The following TM6SF1 variants were observed in gnomAD, a reference collection of about 807,000 sequenced individuals.
TM6SF1 encodes the protein transmembrane 6 superfamily member 1.
Under a neutral mutation model 47.1 loss-of-function variants are expected in TM6SF1, and 43 were observed. That is an observed-to-expected ratio of 0.91 (90% CI 0.72 to 1.18). TM6SF1 has a LOEUF of 1.18. Ranked by LOEUF, TM6SF1 falls within the 50% of genes most tolerant of loss-of-function variation. The pLI is 0.00. For missense variants in TM6SF1, 390 were observed against 449.0 expected (o/e 0.87, Z 1.19); for synonymous variants, 177 against 166.3 (o/e 1.06, Z -0.49).
chr15:83,128,359 C>T (rs1299148784), intron 9 of TM6SF1: 1 of 152,116 alleles, frequency 6.6e-6, no homozygotes, highest in Non-Finnish European at 1.5e-5. Context: ...ATAAAATTAG[C>T]ATAGTAGTAT....
rs374395724 is a variant in TM6SF1, at chr15:83,122,890, A to G, written c.603+12A>G. On this transcript the variant is annotated intron_variant, in intron 6 of 9. Transcript: ENST00000322019. ...ATTACCCCTCAAAGGTGATTTTATTAAGCTTTGATGTACCCTGTTCTCAAA... is the reference window on the plus strand; with the variant it reads ...ATTACCCCTCAAAGGTGATTTTATTGAGCTTTGATGTACCCTGTTCTCAAA... The G allele has an allele frequency of 6.2e-7, 1 of 1,613,750 alleles. No homozygotes were observed. The highest frequency in any genetic ancestry group is 1.7e-5 in the Admixed American group (1 of 59,968).
chr15:83,113,865 G>C (rs971834289), intron 2 of TM6SF1: 2 of 152,272 alleles, frequency 1.3e-5, no homozygotes, highest in African/African-American at 4.8e-5. Flanking sequence ...GCTGAGATGA[G>C]GCATAGGGCC....
At chr15:83,113,145 C>T (rs2034347172) in intron 2 of TM6SF1, 2 of 555,996 alleles carry the variant, frequency 3.6e-6, no homozygotes, top group Non-Finnish European at 6.5e-6. Flanking sequence ...GGGCACCCTG[C>T]CAACCCCAGC....
chr15:83,127,333 G>A, intron 8 of TM6SF1, 25 bp from the exon 9 acceptor site: 1 of 1,549,516 alleles, frequency 6.5e-7, no homozygotes, highest in Non-Finnish European at 8.7e-7. Context: ...ATTTGCTGAT[G>A]ATGTTATTTC....
chr15:83,121,833 A>C (rs531323711), intron 4 of TM6SF1, 88 bp from the exon 5 acceptor site: 1 of 947,838 alleles, frequency 1.1e-6, no homozygotes, highest in African/African-American at 1.7e-5. Flanking sequence ...TACTAGTTTG[A>C]ATACAAAATA....
At chr15:83,121,451 C>T (rs1596495303) in intron 4 of TM6SF1, among the ~76,000 whole-genome samples, 1 of 152,304 alleles carries the variant, frequency 6.6e-6, no homozygotes, top group East Asian at 1.9e-4. Context: ...ACATGGGGTA[C>T]ATGTCACTTG....
At chr15:83,115,584 C>A (rs2034584266) in intron 2 of TM6SF1, 12 of 605,778 alleles carry the variant, frequency 2.0e-5, no homozygotes, top group South Asian at 1.9e-4. Context: ...TGTGACTGAG[C>A]CGGCAGTGAC....
At chr15:83,117,593 G>A (rs1023116068) in intron 3 of TM6SF1, among the ~76,000 whole-genome samples, 2 of 152,094 alleles carry the variant, frequency 1.3e-5, no homozygotes, top group East Asian at 1.9e-4. Context: ...GGCGGCTGAC[G>A]AGAGGGCTGG....
chr15:83,123,934 T>C (rs529875473), intron 6 of TM6SF1, among the ~76,000 whole-genome samples: 20 of 151,598 alleles, frequency 1.3e-4, no homozygotes, highest in African/African-American at 4.6e-4. Flanking sequence ...GCAAAGCAAT[T>C]TGGCAATGTT....
Position 83,122,742 on chromosome 15 carries a change from C to A in TM6SF1, c.482-15C>A. 6.2e-7 allele frequency: 1 copy of A among 1,610,108 alleles called. No individual in the cohort carries two copies. Among genetic ancestry groups the A allele is most frequent in the Non-Finnish European group, 8.5e-7 (1 of 1,178,900 alleles). ...TGCTTTTGGTAACTTCTTTCTCTTT[C>A]TCTCTTTTAAATAGGGAAGTATGGA... On this transcript the variant is annotated splice_polypyrimidine_tract_variant and intron_variant, in intron 5 of 9. Transcript: ENST00000322019.
chr15:83,112,940 T>C, intron 2 of TM6SF1, 40 bp downstream of exon 2: 1 of 1,462,846 alleles, frequency 6.8e-7, no homozygotes. Context: ...ATCTGATTAA[T>C]AACACAATAC....
intron 1 of TM6SF1, 161 bp from the exon 2 acceptor site, chr15:83,112,634 CAG>C: frequency 1.6e-6 from 1 of 629,466 alleles, no homozygotes; most frequent in Non-Finnish European, 2.9e-6. Context: ...CAAAGAGCTG[CAG>C]ATAAACTTCA....
chr15:83,112,713 G>A, intron 1 of TM6SF1, 84 bp from the exon 2 acceptor site: 1 of 935,404 alleles, frequency 1.1e-6, no homozygotes, highest in Non-Finnish European at 1.8e-6. Context: ...AGCACTAGGA[G>A]GGAATGCATT....
rs774991377 is a variant in TM6SF1 at position 83,121,131 on chromosome 15, T to TG, written c.399-789dup. On this transcript the variant is annotated intron_variant, in intron 4 of 9. Transcript: ENST00000322019. ...TGTCACCCAGGCTGGAGTGCAGTGG[T>TG]GCGATCTTGGCTCGCTGTAACCTCT... Among the ~76,000 whole-genome samples the TG allele has an allele frequency of 4.0e-5, 6 of 151,894 alleles. No individual in the cohort carries two copies. The East Asian group carries it at 7.8e-4, about 20-fold the overall frequency.
chr15:83,132,922 A>G (rs1267039886), intron 9 of TM6SF1: 1 of 152,240 alleles, frequency 6.6e-6, no homozygotes, highest in African/African-American at 2.4e-5. Context: ...AAAAAGGTCA[A>G]AAGGTCAAGA....
intron 1 of TM6SF1, among the ~76,000 whole-genome samples, chr15:83,108,284 T>G (rs541660679): frequency 6.6e-6 from 1 of 152,308 alleles, no homozygotes; most frequent in East Asian, 1.9e-4. Flanking sequence ...GTTCTAGGCC[T>G]GGCTTTGGCA....
intron 2 of TM6SF1, 145 bp downstream of exon 2, chr15:83,113,045 G>A (rs2034333563): frequency 4.3e-6 from 3 of 689,918 alleles, no homozygotes; most frequent in Non-Finnish European, 5.1e-6. Flanking sequence ...AGGACAATCT[G>A]GCCCTCGCCT....
At position 83,136,698 on chromosome 15, in the gene TM6SF1, C is replaced by A; in HGVS notation, c.*26C>A. ...AAATATTACTTCATGTTCCTCCTTT[C>A]TAAATTACTAACTTTTGTTATACTG... On this transcript the variant is annotated 3_prime_UTR_variant, in exon 10 of 10. Coordinates refer to ENST00000322019, the MANE Select transcript of TM6SF1 (RefSeq NM_023003.5). 6.4e-7 allele frequency: 1 copy of A among 1,563,070 alleles called. No homozygotes were observed. Among genetic ancestry groups the A allele is most frequent in the Non-Finnish European group, 8.7e-7 (1 of 1,154,336 alleles).
chr15:83,118,003 A>C (rs2034834533), intron 3 of TM6SF1, among the ~76,000 whole-genome samples: 1 of 152,148 alleles, frequency 6.6e-6, no homozygotes, highest in South Asian at 2.1e-4. Context: ...TGCATAGGAG[A>C]ATGAGGAATG....
Sources: allele counts gnomAD v4.1 joint callset (sites outside exome capture counted in the v4.1 genomes callset), GRCh38; gene constraint gnomAD v4.1.1; transcripts MANE v1.5; gene names NCBI Gene and HGNC (gene_info 2026-07-23, HGNC 2026-07-21).